TESK2: variants seen among roughly 807,000 people sequenced by gnomAD.
TESK2 encodes testis associated actin remodelling kinase 2.
TESK2 carries 39 observed loss-of-function variants against 57.1 expected under a neutral mutation model. The ratio of observed to expected loss-of-function variants is 0.68; its 90% CI spans 0.53 to 0.89. The LOEUF (loss-of-function observed/expected upper bound fraction) is 0.89. TESK2 is among the 40% of genes least tolerant of loss of function. The pLI, the probability that TESK2 is intolerant of heterozygous loss-of-function variation, is 0.00. For missense variants in TESK2, 646 were observed against 732.1 expected (o/e 0.88, Z 1.36); for synonymous variants, 249 against 267.9 (o/e 0.93, Z 0.69).
At chr1:45,423,576 C>T (rs1381591816) in intron 2 of TESK2, among the ~76,000 whole-genome samples, 2 of 139,746 alleles carry the variant, frequency 1.4e-5, no homozygotes, top group African/African-American at 5.2e-5. Flanking sequence ...AAAAAAAAAT[C>T]TATAAAAAAA....
rs746992442 is a variant in TESK2, at chr1:45,347,565, AAAAG to A, written c.708+40_708+43del. The A allele has an allele frequency of 9.5e-6, 15 of 1,575,710 alleles. No homozygotes were observed. In the African/African-American group the frequency reaches 1.2e-4, roughly 13 times the overall value. On this transcript the variant is annotated intron_variant, in intron 7 of 10. Coordinates refer to ENST00000372086, the MANE Select transcript of TESK2 (RefSeq NM_007170.3). ...TAGTGAGACCATCTCAAAAAAAAGA[AAAAG>A]AAAAAAGGAGAATCAGGCCTTGAGA...
intron 3 of TESK2, among the ~76,000 whole-genome samples, chr1:45,420,682 T>C (rs1244553078): frequency 1.3e-5 from 2 of 151,588 alleles, no homozygotes; most frequent in African/African-American, 4.9e-5. Flanking sequence ...CTTCCCGGGT[T>C]CAAGCAATTC....
intron 3 of TESK2, among the ~76,000 whole-genome samples, chr1:45,410,476 G>A (rs966076290): frequency 2.0e-5 from 3 of 149,608 alleles, no homozygotes; most frequent in Non-Finnish European, 4.5e-5. Flanking sequence ...ATGGTGGCGC[G>A]TGCCTGTAAT....
At chr1:45,356,144 T>C (rs1647411771) in intron 4 of TESK2, among the ~76,000 whole-genome samples, 1 of 151,882 alleles carries the variant, frequency 6.6e-6, no homozygotes, top group African/African-American at 2.4e-5. Context: ...GGCATCTGAA[T>C]CATGGCAATA....
chr1:45,399,398 T>A (rs1349255717), intron 3 of TESK2, among the ~76,000 whole-genome samples: 1 of 152,034 alleles, frequency 6.6e-6, no homozygotes, highest in Non-Finnish European at 1.5e-5. Context: ...CACTGCAACC[T>A]CCACCTCCCA....
intron 2 of TESK2, among the ~76,000 whole-genome samples, chr1:45,448,288 A>C (rs1651727629): frequency 6.6e-6 from 1 of 151,812 alleles, no homozygotes; most frequent in African/African-American, 2.4e-5. Flanking sequence ...CTGATTAAAA[A>C]ATTGAACAGA....
At position 45,436,181 on chromosome 1, in the gene TESK2, CTTT is replaced by C. The variant is rs1170732475; in HGVS notation, c.223-14338_223-14336del. The stretch of plus-strand genomic sequence containing the variant: ...CTGTGAAAAATGACATTGGTATCTT[CTTT>C]TTTTTTTTTTTTTTTTTTGAGATGG... On this transcript the variant is annotated intron_variant, in intron 2 of 10. Coordinates refer to ENST00000372086, the MANE Select transcript of TESK2 (RefSeq NM_007170.3). 2.8e-4 allele frequency among the ~76,000 whole-genome samples: 16 copies of C among 56,618 alleles called. 1 individual carries two copies. The East Asian group carries it at 3.0e-3, about 11-fold the overall frequency. 37.1% of individuals were successfully genotyped at this position (56,618 alleles called of 152,430 possible).
chr1:45,449,821 T>C lies in TESK2; in HGVS notation c.222+7743A>G, dbSNP rs1308034863. ...TTATTTCAGTGTTTGAAATTAGGTA[T>C]AAACATTTAATTTTATCTTTTTTCA... On this transcript the variant is annotated intron_variant, in intron 2 of 10. Transcript: ENST00000372086. 6.6e-5 allele frequency among the ~76,000 whole-genome samples: 10 copies of C among 152,342 alleles called. No homozygotes were observed. The South Asian group carries it at 1.9e-3, about 28-fold the overall frequency.
chr1:45,451,062 T>A (rs967691328), intron 2 of TESK2, among the ~76,000 whole-genome samples: 5 of 152,188 alleles, frequency 3.3e-5, no homozygotes, highest in African/African-American at 1.2e-4. Context: ...CAGGCAGGCG[T>A]CAGATGTCCC....
At chr1:45,428,191 A>C (rs1650782429) in intron 2 of TESK2, among the ~76,000 whole-genome samples, 1 of 152,198 alleles carries the variant, frequency 6.6e-6, no homozygotes, top group Non-Finnish European at 1.5e-5. Flanking sequence ...CTTGAAGATA[A>C]TCCTGTGAGA....
intron 1 of TESK2, among the ~76,000 whole-genome samples, chr1:45,479,582 C>G (rs1207166625): frequency 6.6e-6 from 1 of 151,982 alleles, no homozygotes; most frequent in Non-Finnish European, 1.5e-5. Flanking sequence ...GCATGCGCCA[C>G]CACGCCCAGC....
chr1:45,433,482 A>C (rs1651065921), intron 2 of TESK2, among the ~76,000 whole-genome samples: 1 of 151,916 alleles, frequency 6.6e-6, no homozygotes, highest in African/African-American at 2.4e-5. Context: ...TCTACTCTTT[A>C]CCTCTATGAG....
At chr1:45,447,578 C>A (rs1342431456) in intron 2 of TESK2, among the ~76,000 whole-genome samples, 1 of 149,518 alleles carries the variant, frequency 6.7e-6, no homozygotes, top group South Asian at 2.1e-4. Flanking sequence ...TTGCAGTTAA[C>A]TTTTTTTTTT....
intron 3 of TESK2, chr1:45,413,822 G>A (rs911161892): frequency 1.3e-5 from 6 of 456,034 alleles, no homozygotes; most frequent in African/African-American, 1.2e-4. Flanking sequence ...TCTTCCCAAT[G>A]TAGATCTAAT....
chr1:45,471,611 T>C (rs1419844526), intron 1 of TESK2, among the ~76,000 whole-genome samples: 1 of 151,958 alleles, frequency 6.6e-6, no homozygotes, highest in African/African-American at 2.4e-5. Context: ...TTTCACTATG[T>C]TGGCCAGGAT....
chr1:45,423,744 G>GGAAAGTCTACTTCT (rs1650576983), intron 2 of TESK2, among the ~76,000 whole-genome samples: 1 of 152,048 alleles, frequency 6.6e-6, no homozygotes, highest in Non-Finnish European at 1.5e-5. Flanking sequence ...TATGCACAGA[G>GGAAAGTCTACTTCT]GAAAGTCTAC....
intron 4 of TESK2, among the ~76,000 whole-genome samples, chr1:45,369,849 T>A (rs1053601635): frequency 2.0e-5 from 3 of 151,890 alleles, no homozygotes; most frequent in Non-Finnish European, 4.4e-5. Flanking sequence ...GTAGCTGGGA[T>A]TAAAGGTGCG....
chr1:45,423,882 C>G (rs1178915946), intron 2 of TESK2, among the ~76,000 whole-genome samples: 2 of 152,052 alleles, frequency 1.3e-5, no homozygotes, highest in African/African-American at 4.8e-5. Context: ...TTGTTTTCAC[C>G]CTGTAAATGT....
rs1246576490 is a variant in TESK2 at position 45,362,502 on chromosome 1, T to TA, written c.394-7054dup. Among the ~76,000 whole-genome samples, 5 of 152,290 alleles carry TA rather than the reference T, an allele frequency of 3.3e-5. No individual in the cohort carries two copies. The East Asian group carries it at 9.6e-4, about 29-fold the overall frequency. On this transcript the variant is annotated intron_variant, in intron 4 of 10. Coordinates refer to ENST00000372086, the MANE Select transcript of TESK2 (RefSeq NM_007170.3). ...GAACAATAAGACAAAATGGTAGTTT[T>TA]AAAAAAATTTGAATTACCAGTGTAC...
Sources: allele counts gnomAD v4.1 joint callset (sites outside exome capture counted in the v4.1 genomes callset), GRCh38; gene constraint gnomAD v4.1.1; transcripts MANE v1.5; gene names NCBI Gene and HGNC (gene_info 2026-07-23, HGNC 2026-07-21).